Variants in EEF1E1 observed in about 807,000 individuals in gnomAD.
EEF1E1 encodes eukaryotic translation elongation factor 1 epsilon-1.
EEF1E1 carries 19 observed loss-of-function variants against 19.9 expected under a neutral mutation model. The ratio of observed to expected loss-of-function variants is 0.95; its 90% CI spans 0.66 to 1.40. EEF1E1 has a LOEUF of 1.40. Among genes scored for constraint, EEF1E1 ranks in the 40% most tolerant of loss-of-function variants. The probability of loss-of-function intolerance (pLI) is 0.00; values close to 1 mark genes in which losing one functional copy is unlikely to be tolerated. For synonymous variants in EEF1E1, 81 were observed against 80.0 expected (o/e 1.01, Z -0.07); for missense variants, 198 against 202.2 (o/e 0.98, Z 0.13).
At chr6:8,074,977 C>G (rs1757558368), downstream of EEF1E1, among the ~76,000 whole-genome samples, 1 of 152,242 alleles carries the variant, frequency 6.6e-6, no homozygotes, top group Admixed American at 6.5e-5. Context: ...TCTTTCCTCA[C>G]TGCTGACCTA....
intron 3 of EEF1E1, among the ~76,000 whole-genome samples, chr6:8,083,950 A>G (rs1241715681): frequency 6.6e-6 from 1 of 152,146 alleles, no homozygotes; most frequent in Non-Finnish European, 1.5e-5. Flanking sequence ...CCACAGTGCA[A>G]TTCTGCCATT....
chr6:8,078,074 G>A (rs1174968242), downstream of EEF1E1, among the ~76,000 whole-genome samples: 1 of 152,212 alleles, frequency 6.6e-6, no homozygotes, highest in Non-Finnish European at 1.5e-5. Context: ...ACCACACCCA[G>A]CCAGCACTTT....
At chr6:8,102,233 T>G (rs1758385956) in intron 1 of EEF1E1, 1 of 547,588 alleles carries the variant, frequency 1.8e-6, no homozygotes, top group Admixed American at 6.4e-5. Flanking sequence ...CAACCTGAGC[T>G]GGTTAACCCC....
chr6:8,077,701 T>C (rs934333870), downstream of EEF1E1, among the ~76,000 whole-genome samples: 4 of 152,362 alleles, frequency 2.6e-5, 1 homozygote, highest in South Asian at 8.3e-4. Context: ...GCTGGTTTCA[T>C]CTTCTATCCA....
chr6:8,096,663 T>A (rs1441737149), intron 2 of EEF1E1, among the ~76,000 whole-genome samples: 1 of 152,224 alleles, frequency 6.6e-6, no homozygotes, highest in Non-Finnish European at 1.5e-5. Flanking sequence ...AAATCTGCCT[T>A]CTTTTTATAT....
At chr6:8,082,376 C>A (rs952896742) in intron 3 of EEF1E1, among the ~76,000 whole-genome samples, 1 of 152,188 alleles carries the variant, frequency 6.6e-6, no homozygotes, top group Admixed American at 6.5e-5. Flanking sequence ...TTCCTGGGTT[C>A]AAGCGATTCT....
chr6:8,082,515 G>C (rs1757747947), intron 3 of EEF1E1, among the ~76,000 whole-genome samples: 1 of 152,184 alleles, frequency 6.6e-6, no homozygotes, highest in Non-Finnish European at 1.5e-5. Flanking sequence ...CTGGCCTCAA[G>C]TGATCCACCA....
At chr6:8,089,412 T>C (rs960190261) in intron 3 of EEF1E1, among the ~76,000 whole-genome samples, 1 of 152,190 alleles carries the variant, frequency 6.6e-6, no homozygotes, top group Non-Finnish European at 1.5e-5. Context: ...ACAGGCCATC[T>C]TCAGGCTGAG....
intron 1 of EEF1E1, among the ~76,000 whole-genome samples, chr6:8,101,400 G>A (rs1187006231): frequency 2.7e-5 from 4 of 149,120 alleles, no homozygotes; most frequent in Admixed American, 2.0e-4. Context: ...GGGCCGAAGG[G>A]ACGGAATTAT....
intron 3 of EEF1E1, among the ~76,000 whole-genome samples, chr6:8,084,889 C>T (rs1294527445): frequency 7.2e-5 from 11 of 152,118 alleles, no homozygotes; most frequent in Admixed American, 7.2e-4. Context: ...TGCTTAGATA[C>T]CTTAGCAGCA....
rs183738343 is a variant in EEF1E1 at position 8,074,053 on chromosome 6, G to A, written c.385-543C>T. On this transcript the variant is annotated intron_variant, in intron 3 of 3. Transcript: ENST00000429723. The stretch of plus-strand genomic sequence containing the variant: ...CCTTCAGGGGAATTGATAAGGTTGG[G>A]AGAGAAGCCTTTTGCTGTCCCCCTC... Among the ~76,000 whole-genome samples the A allele has an allele frequency of 2.4e-3, 365 of 152,314 alleles. 1 individual carries two copies. Among genetic ancestry groups the A allele is most frequent in the Middle Eastern group, 0.014 (4 of 294 alleles).
intron 3 of EEF1E1, among the ~76,000 whole-genome samples, chr6:8,084,051 A>G (rs976439672): frequency 1.2e-4 from 19 of 152,190 alleles, no homozygotes; most frequent in African/African-American, 4.6e-4. Flanking sequence ...TGGGAGAGAT[A>G]CTTTGACTCA....
intron 2 of EEF1E1, chr6:8,095,443 C>T (rs1461536157): frequency 2.9e-6 from 1 of 350,690 alleles, no homozygotes; most frequent in Non-Finnish European, 6.0e-6. Context: ...GCGGAGGTTG[C>T]AGTGAGCCAA....
chr6:8,088,065 G>A lies in EEF1E1; in HGVS notation c.384+2121C>T, dbSNP rs574856664. 2.5e-4 allele frequency among the ~76,000 whole-genome samples: 37 copies of A among 149,416 alleles called. 1 individual carries two copies. Among genetic ancestry groups the A allele is most frequent in the African/African-American group, 8.7e-4 (35 of 40,294 alleles). On this transcript the variant is annotated intron_variant, in intron 3 of 3. Coordinates refer to ENST00000379715, the MANE Select transcript of EEF1E1 (RefSeq NM_004280.5). ...CAAAGAAAACACTTGACCTCTCTAC[G>A]CCTCAGTTATCTCATCTGTAAAATG...
rs137893390 is a variant in EEF1E1 at position 8,090,940 on chromosome 6, T to C, written c.289-659A>G. 4.4e-3 allele frequency among the ~76,000 whole-genome samples: 671 copies of C among 152,340 alleles called. 7 individuals are homozygous for C. The highest frequency in any genetic ancestry group is 0.016 in the African/African-American group (648 of 41,574). On this transcript the variant is annotated intron_variant, in intron 2 of 3. Transcript: ENST00000379715. ...CATATTTTATCGATTCCTGTGTCTA[T>C]AGACATAGTTGTTTCCACTTCTTGG...
At chr6:8,093,062 A>G (rs1231326023) in intron 2 of EEF1E1, among the ~76,000 whole-genome samples, 2 of 151,866 alleles carry the variant, frequency 1.3e-5, no homozygotes, top group Non-Finnish European at 2.9e-5. Context: ...TAGTGGAGAC[A>G]GCGGTTTCAC....
At chr6:8,090,605 TA>T (rs1464002295) in intron 2 of EEF1E1, among the ~76,000 whole-genome samples, 1 of 151,900 alleles carries the variant, frequency 6.6e-6, no homozygotes, top group Non-Finnish European at 1.5e-5. Flanking sequence ...TAGTTACACT[TA>T]TTTTTTCCAT....
At chr6:8,075,921 A>G (rs1418137574), downstream of EEF1E1, among the ~76,000 whole-genome samples, 2 of 152,102 alleles carry the variant, frequency 1.3e-5, no homozygotes, top group Non-Finnish European at 2.9e-5. Context: ...TCACAGCATC[A>G]TCACTAGGAA....
intron 2 of EEF1E1, chr6:8,095,538 A>T (rs1454903813): frequency 1.6e-5 from 3 of 185,624 alleles, no homozygotes; most frequent in Non-Finnish European, 3.5e-5. Flanking sequence ...AACAAAACCA[A>T]CAGGTTACCA....
Sources: gnomAD v4.1 joint callset for allele counts (sites outside exome capture counted in the v4.1 genomes callset) on GRCh38, gnomAD v4.1.1 for gene constraint, MANE v1.5 for transcripts, NCBI Gene and HGNC (gene_info 2026-07-23, HGNC 2026-07-21) for gene names.